The following LMX1A variants were observed in gnomAD, a reference collection of about 807,000 sequenced individuals.
LMX1A encodes the protein LIM homeobox transcription factor 1-alpha.
In LMX1A, 15 loss-of-function variants were observed where a neutral mutation model predicts 49.1. The ratio of observed to expected loss-of-function variants is 0.31; its 90% CI spans 0.20 to 0.47. The LOEUF (loss-of-function observed/expected upper bound fraction) is 0.47. Ranked by LOEUF, LMX1A falls within the 20% of genes least tolerant of loss-of-function variation. LMX1A has a pLI of 1.00. For synonymous variants in LMX1A, 167 were observed against 185.7 expected (o/e 0.90, Z 0.82); for missense variants, 372 against 475.8 (o/e 0.78, Z 2.03).
intron 4 of LMX1A, among the ~76,000 whole-genome samples, chr1:165,239,465 G>A (rs1182856794): frequency 6.6e-6 from 1 of 152,172 alleles, no homozygotes; most frequent in African/African-American, 2.4e-5. Context: ...AGTATCCTGT[G>A]TCTTTATTTC....
chr1:165,205,847 G>C lies in LMX1A; in HGVS notation c.988+17C>G, dbSNP rs761906102. 6.2e-6 allele frequency: 10 copies of C among 1,612,172 alleles called. No individual in the cohort carries two copies. The highest frequency in any genetic ancestry group is 2.2e-5 in the South Asian group (2 of 91,000). ...CACAAGTTATGAGAGGGCCCGAGGGGCTTAAGTCCCTCTTACCATAAGGGT... is the reference window on the plus strand; with the variant it reads ...CACAAGTTATGAGAGGGCCCGAGGGCCTTAAGTCCCTCTTACCATAAGGGT... On this transcript the variant is annotated intron_variant, in intron 8 of 8. Coordinates refer to ENST00000342310, the MANE Select transcript of LMX1A (RefSeq NM_177398.4).
At chr1:165,208,841 G>A (rs1398540599) in intron 6 of LMX1A, among the ~76,000 whole-genome samples, 1 of 152,078 alleles carries the variant, frequency 6.6e-6, no homozygotes, top group East Asian at 1.9e-4. Context: ...TAGAGACGGG[G>A]TTTCACCATG....
intron 3 of LMX1A, among the ~76,000 whole-genome samples, chr1:165,329,642 A>C (rs1557886802): frequency 1.3e-5 from 2 of 152,152 alleles, no homozygotes; most frequent in East Asian, 3.9e-4. Context: ...CAAAAAAAAA[A>C]ACCTTACAGT....
intron 3 of LMX1A, among the ~76,000 whole-genome samples, chr1:165,260,706 C>T (rs377252171): frequency 1.4e-4 from 22 of 152,258 alleles, no homozygotes; most frequent in African/African-American, 5.3e-4. Context: ...TGATCATCCT[C>T]CTCCTTAAAC....
chr1:165,323,079 C>T (rs1655469272), intron 3 of LMX1A, among the ~76,000 whole-genome samples: 1 of 152,102 alleles, frequency 6.6e-6, no homozygotes, highest in Non-Finnish European at 1.5e-5. Context: ...TCAAAAGGGC[C>T]AGAATGTAAT....
chr1:165,273,653 T>C (rs16841919), intron 3 of LMX1A, among the ~76,000 whole-genome samples: 7,759 of 152,342 alleles, frequency 0.051, 310 homozygotes, highest in East Asian at 0.12. Flanking sequence ...AATAAACAAG[T>C]ATTTATGAAG....
Position 165,216,355 on chromosome 1 carries a change from C to T in LMX1A, c.497-2542G>A, listed in dbSNP as rs2275816. 6.6e-5 allele frequency among the ~76,000 whole-genome samples: 10 copies of T among 152,270 alleles called. No homozygotes were observed. In the East Asian group the frequency reaches 1.7e-3, roughly 27 times the overall value. On this transcript the variant is annotated intron_variant, in intron 4 of 8. Coordinates refer to ENST00000342310, the MANE Select transcript of LMX1A (RefSeq NM_177398.4). ...CTATTGATCCTACTGCTCAGAGGCA[C>T]CCCAAACTTTGGTGTTTAGTGAGGC...
At chr1:165,295,386 TAATA>T (rs1654586710) in intron 3 of LMX1A, among the ~76,000 whole-genome samples, 1 of 150,200 alleles carries the variant, frequency 6.7e-6, no homozygotes, top group Non-Finnish European at 1.5e-5. Context: ...AAATTTGCCG[TAATA>T]AATAGGTAGC....
intron 4 of LMX1A, among the ~76,000 whole-genome samples, chr1:165,243,744 T>C (rs1053900408): frequency 2.0e-5 from 3 of 152,204 alleles, no homozygotes; most frequent in Non-Finnish European, 4.4e-5. Flanking sequence ...GATGTTGGAA[T>C]TCAATGTAAC....
intron 3 of LMX1A, among the ~76,000 whole-genome samples, chr1:165,306,036 G>A (rs946003238): frequency 6.6e-6 from 1 of 152,164 alleles, no homozygotes; most frequent in African/African-American, 2.4e-5. Context: ...TGTCCCAGAC[G>A]TGCGTACAGA....
chr1:165,343,895 G>T (rs115464793), intron 3 of LMX1A, among the ~76,000 whole-genome samples: 31 of 152,196 alleles, frequency 2.0e-4, no homozygotes, highest in Non-Finnish European at 3.7e-4. Flanking sequence ...ACACCCTTCC[G>T]GTTAAAAAGT....
chr1:165,204,212 A>C (rs756820126), intron 8 of LMX1A, among the ~76,000 whole-genome samples, 172 bp from the exon 9 acceptor site: 3 of 152,242 alleles, frequency 2.0e-5, no homozygotes, highest in Non-Finnish European at 2.9e-5. Context: ...GCAACAAGTG[A>C]AAACAATCTA....
intron 3 of LMX1A, among the ~76,000 whole-genome samples, chr1:165,347,632 A>T (rs1324644598): frequency 6.6e-6 from 1 of 152,248 alleles, no homozygotes; most frequent in Non-Finnish European, 1.5e-5. Flanking sequence ...ATTATTTTTA[A>T]ATCTTTCCCT....
chr1:165,309,212 T>G (rs1655004927), intron 3 of LMX1A, among the ~76,000 whole-genome samples: 1 of 151,744 alleles, frequency 6.6e-6, no homozygotes, highest in Admixed American at 6.6e-5. Flanking sequence ...TGCTGCACGC[T>G]CCCCACCCCC....
At chr1:165,293,875 C>T (rs1353122817) in intron 3 of LMX1A, among the ~76,000 whole-genome samples, 1 of 152,190 alleles carries the variant, frequency 6.6e-6, no homozygotes, top group Non-Finnish European at 1.5e-5. Context: ...CTCCTAATAC[C>T]ATCATGTTGG....
chr1:165,289,340 G>A (rs1162026267), intron 3 of LMX1A, among the ~76,000 whole-genome samples: 4 of 151,854 alleles, frequency 2.6e-5, no homozygotes, highest in Admixed American at 6.6e-5. Context: ...GAGATCCTTC[G>A]TTTGCTGATA....
chr1:165,230,605 C>T (rs897644961), intron 4 of LMX1A, among the ~76,000 whole-genome samples: 2 of 152,224 alleles, frequency 1.3e-5, no homozygotes, highest in Non-Finnish European at 2.9e-5. Flanking sequence ...ATGTGGATGT[C>T]TGACTTACCC....
In LMX1A at chr1:165,355,891, T is replaced by C; in HGVS notation, c.-22-310A>G. 2.7e-6 allele frequency: 1 copy of C among 375,430 alleles called. No individual in the cohort carries two copies. Among genetic ancestry groups the C allele is most frequent in the Admixed American group, 4.1e-5 (1 of 24,292 alleles). 23.3% of individuals were successfully genotyped at this position (375,430 alleles called of 1,614,324 possible). A position where few individuals can be genotyped will look rare whatever the true frequency, so the allele number is the denominator to read the frequency against. On this transcript the variant is annotated intron_variant, in intron 1 of 8. Transcript: ENST00000342310. This position sits in a 1 kb window ranked among gnomAD's most constrained non-coding sequence, Gnocchi z 4.7. ...CTTGCCCCAGGTTTTCCATCCCGAATCCGACTCCGCCCCAACCTATACGAA... is the reference window on the plus strand; with the variant it reads ...CTTGCCCCAGGTTTTCCATCCCGAACCCGACTCCGCCCCAACCTATACGAA...
At chr1:165,297,457 G>A (rs1322643094) in intron 3 of LMX1A, among the ~76,000 whole-genome samples, 2 of 152,190 alleles carry the variant, frequency 1.3e-5, no homozygotes, top group African/African-American at 4.8e-5. Flanking sequence ...TGGATTCTTA[G>A]TGGAAGTTGA....
Sources: allele counts gnomAD v4.1 joint callset (sites outside exome capture counted in the v4.1 genomes callset), GRCh38; gene constraint gnomAD v4.1.1; non-coding constraint Gnocchi (gnomAD v3.1); transcripts MANE v1.5; gene names NCBI Gene and HGNC (gene_info 2026-07-23, HGNC 2026-07-21).